The following RUSC2 variants were observed in gnomAD, a reference collection of about 807,000 sequenced individuals.
RUSC2 encodes the protein RUN and SH3 domain containing 2, also known as AP-4 complex accessory subunit RUSC2.
RUSC2 carries 34 observed loss-of-function variants against 122.2 expected under a neutral mutation model. The ratio of observed to expected loss-of-function variants is 0.28; its 90% CI spans 0.21 to 0.37. The LOEUF is 0.37. RUSC2 is among the 10% of genes least tolerant of loss of function. The pLI is 1.00. For synonymous variants in RUSC2, 784 were observed against 790.0 expected (o/e 0.99, Z 0.13); for missense variants, 1,747 against 1,952.4 (o/e 0.89, Z 1.98).
rs1298554558 is a variant in RUSC2, at chr9:35,546,796, G to A, written c.275G>A (p.Arg92Lys). Residue 92 changes from arginine (R) to lysine (K), a missense_variant, in exon 2 of 12, where the codon AGA (arginine) becomes AAA (lysine). Physicochemically the swap from Arg to Lys is conservative, Grantham distance 26. Transcript: ENST00000361226. This position sits in a 1 kb window ranked among gnomAD's most constrained non-coding sequence, Gnocchi z 4.3. Reference sequence around the variant, plus strand: ...ACCAAGAGTAGGAGTCGGGATGGAAGAGGCCCTGGAGCCCCCAAACGACAC... The same window carrying A: ...ACCAAGAGTAGGAGTCGGGATGGAAAAGGCCCTGGAGCCCCCAAACGACAC... ...DSTKSRSRDGRGPGAPKRHNP... is the reference protein window; with the variant it reads ...DSTKSRSRDGKGPGAPKRHNP... 1 of 1,610,742 alleles carries A rather than the reference G, an allele frequency of 6.2e-7. No homozygotes were observed. Among genetic ancestry groups the A allele is most frequent in the Non-Finnish European group, 8.5e-7 (1 of 1,178,448 alleles).
intron 2 of RUSC2, among the ~76,000 whole-genome samples, chr9:35,552,423 G>C (rs952290871): frequency 6.6e-6 from 1 of 152,162 alleles, no homozygotes; most frequent in Non-Finnish European, 1.5e-5. Flanking sequence ...TTGAGATACT[G>C]AGCAGCAGAA....
intron 1 of RUSC2, among the ~76,000 whole-genome samples, chr9:35,495,094 T>TACTATAGTATATATTATACATTATATAC (rs1820667150): frequency 1.4e-5 from 1 of 70,716 alleles, no homozygotes; most frequent in African/African-American, 6.7e-5. Flanking sequence ...ATATTATATA[T>TACTATAGTATATATTATACATTATATAC]ACTATAGTAT....
chr9:35,534,262 T>C (rs1821479486), intron 1 of RUSC2, among the ~76,000 whole-genome samples: 1 of 152,156 alleles, frequency 6.6e-6, no homozygotes. Context: ...TGTGTCTTCT[T>C]TGGGGAAATG....
In RUSC2 at chr9:35,558,160, T is replaced by C. The variant is rs750460046; in HGVS notation, c.3061-37T>C. 1.5e-5 allele frequency: 24 copies of C among 1,605,386 alleles called. No individual in the cohort carries two copies. The highest frequency in any genetic ancestry group is 1.8e-4 in the Middle Eastern group (1 of 5,672). On this transcript the variant is annotated intron_variant, in intron 6 of 11. Coordinates refer to ENST00000361226, the MANE Select transcript of RUSC2 (RefSeq NM_014806.5). The surrounding 1 kb of genome is among the most constrained non-coding windows in gnomAD (Gnocchi z 4.3). The stretch of plus-strand genomic sequence containing the variant: ...GCTACGAGAGGACCACAGTCAGGCC[T>C]GAGGGGGTTTCCTGCACTTCCCTAC...
chr9:35,537,735 G>A (rs1821557637), intron 1 of RUSC2, among the ~76,000 whole-genome samples: 1 of 152,190 alleles, frequency 6.6e-6, no homozygotes, highest in South Asian at 2.1e-4. Context: ...TTCTTTCTAA[G>A]GACCTGAAAT....
rs201007923 is a variant in RUSC2, at chr9:35,492,466, A to AG, written c.-93+2296dup. Among the ~76,000 whole-genome samples the AG allele has an allele frequency of 7.6e-4, 115 of 151,510 alleles. 1 individual carries two copies. The highest frequency in any genetic ancestry group is 7.5e-4 in the Non-Finnish European group (51 of 67,812). On this transcript the variant is annotated intron_variant, in intron 1 of 11. Coordinates refer to ENST00000361226, the MANE Select transcript of RUSC2 (RefSeq NM_014806.5). Reference sequence around the variant, plus strand: ...TGATTGATCAGTGTTGAAGTTACCCAGGAAAAAAAAAAAACACCCATTCAG... The same window carrying AG: ...TGATTGATCAGTGTTGAAGTTACCCAGGGAAAAAAAAAAAACACCCATTCAG...
At chr9:35,514,851 C>A (rs935423980) in intron 1 of RUSC2, among the ~76,000 whole-genome samples, 1 of 152,152 alleles carries the variant, frequency 6.6e-6, no homozygotes, top group African/African-American at 2.4e-5. Context: ...CAGCTACCTT[C>A]CTAGCAGCAG....
chr9:35,529,668 C>G (rs1194865575), intron 1 of RUSC2, among the ~76,000 whole-genome samples: 1 of 150,912 alleles, frequency 6.6e-6, no homozygotes, highest in Non-Finnish European at 1.5e-5. Context: ...AGCCTTTGCT[C>G]CAGGGTCATG....
chr9:35,560,292 G>A lies in RUSC2; in HGVS notation c.3652G>A (p.Gly1218Arg), dbSNP rs375760777. The A allele has an allele frequency of 3.1e-6, 5 of 1,595,534 alleles. No homozygotes were observed. In the African/African-American group the frequency reaches 5.4e-5, roughly 17 times the overall value. Residue 1218 changes from glycine (G) to arginine (R), a missense_variant, in exon 10 of 12, where the codon GGA becomes AGA. Physicochemically the swap from Gly to Arg is moderately radical, Grantham distance 125. Transcript: ENST00000361226. ...LARARGQEGP[G>R]DVDRAAQGER... ...CCGGGCCCGGGGCCAGGAGGGCCCT[G>A]GAGACGTGGACAGGGCAGCCCAAGG...
chr9:35,559,740 A>C (rs1390252368), intron 9 of RUSC2, among the ~76,000 whole-genome samples: 1 of 152,156 alleles, frequency 6.6e-6, no homozygotes, highest in African/African-American at 2.4e-5. Context: ...GTCTCAAAAA[A>C]CAAAACAAAA....
At chr9:35,541,575 T>C (rs1408456997) in intron 1 of RUSC2, among the ~76,000 whole-genome samples, 1 of 151,942 alleles carries the variant, frequency 6.6e-6, no homozygotes, top group African/African-American at 2.4e-5. Context: ...GCCTCCCAAG[T>C]AGCTGGGATT....
At chr9:35,494,901 T>C (rs1257770637) in intron 1 of RUSC2, among the ~76,000 whole-genome samples, 1 of 136,864 alleles carries the variant, frequency 7.3e-6, no homozygotes, top group Non-Finnish European at 1.5e-5. Flanking sequence ...TTGTTTTTTA[T>C]ATATAATATA....
rs968330759 is a variant in RUSC2 at position 35,548,300 on chromosome 9, T to C, written c.1779T>C (p.Cys593=). 7 of 1,613,906 alleles carry C rather than the reference T, an allele frequency of 4.3e-6. No homozygotes were observed. In the African/African-American group the frequency reaches 9.3e-5, roughly 22 times the overall value. Residue 593 remains cysteine (C), a synonymous_variant, in exon 2 of 12, where the codon TGT becomes TGC. Transcript: ENST00000361226. The surrounding 1 kb of genome is among the most constrained non-coding windows in gnomAD (Gnocchi z 4.5). ...CCCCACTGGATGAGGGCACTTGCTG[T>C]AGCCATAGCCTGCCACCCATGCCTT... ...RGAPLDEGTC[C]SHSLPPMPLG... is the part of the protein sequence containing the mutation.
chr9:35,557,790 T>G lies in RUSC2; in HGVS notation c.2984-124T>G. ...GGCCTGAATGTTTTGATAAGACCCA[T>G]GTGCAGATGTGGAGACGGAGTAAGT... On this transcript the variant is annotated intron_variant, in intron 5 of 11. Coordinates refer to ENST00000361226, the MANE Select transcript of RUSC2 (RefSeq NM_014806.5). The surrounding 1 kb of genome is among the most constrained non-coding windows in gnomAD (Gnocchi z 4.6). 1.3e-6 allele frequency: 1 copy of G among 770,002 alleles called. No homozygotes were observed. The highest frequency in any genetic ancestry group is 2.3e-6 in the Non-Finnish European group (1 of 428,366). 47.7% of individuals were successfully genotyped at this position (770,002 alleles called of 1,614,324 possible).
chr9:35,533,256 A>AG (rs1821457924), intron 1 of RUSC2, among the ~76,000 whole-genome samples: 1 of 141,458 alleles, frequency 7.1e-6, no homozygotes, highest in South Asian at 2.3e-4. Flanking sequence ...CAAAAAAAAA[A>AG]AAAAGAAGAA....
intron 1 of RUSC2, among the ~76,000 whole-genome samples, chr9:35,494,397 G>T (rs190006459): frequency 2.0e-5 from 3 of 152,288 alleles, no homozygotes; most frequent in African/African-American, 7.2e-5. Flanking sequence ...CGGGGAGGCT[G>T]AGGTTGCAGT....
At chr9:35,532,122 G>T (rs905999876) in intron 1 of RUSC2, among the ~76,000 whole-genome samples, 1 of 152,188 alleles carries the variant, frequency 6.6e-6, no homozygotes. Context: ...GAGTCCAGAT[G>T]ACTCTTATTT....
At chr9:35,517,739 G>A (rs1821137004) in intron 1 of RUSC2, among the ~76,000 whole-genome samples, 1 of 152,176 alleles carries the variant, frequency 6.6e-6, no homozygotes, top group Admixed American at 6.5e-5. Context: ...TCCTAATGTG[G>A]CCACTGTGAC....
At position 35,547,310 on chromosome 9, in the gene RUSC2, C is replaced by G. The variant is rs901080551; in HGVS notation, c.789C>G (p.Asp263Glu). 5 of 1,614,082 alleles carry G rather than the reference C, an allele frequency of 3.1e-6. No homozygotes were observed. In the African/African-American group the frequency reaches 6.7e-5, roughly 22 times the overall value. The change falls in exon 2 of 12, where the codon GAC (aspartate) becomes GAG (glutamate). Residue 263 changes from aspartate (D) to glutamate (E), a missense_variant. Transcript: ENST00000361226. The surrounding 1 kb of genome is among the most constrained non-coding windows in gnomAD (Gnocchi z 4.6). ...SSTSSQSEAADQSMGYVSDSS... is the reference protein window; with the variant it reads ...SSTSSQSEAAEQSMGYVSDSS... ...CATCCAGTCAGTCCGAGGCAGCTGA[C>G]CAGTCCATGGGCTATGTGAGCGACT... is the stretch of plus-strand genomic sequence containing the variant.
Sources: gnomAD v4.1 joint callset for allele counts (sites outside exome capture counted in the v4.1 genomes callset) on GRCh38, gnomAD v4.1.1 for gene constraint, Gnocchi (gnomAD v3.1) non-coding constraint, MANE v1.5 for transcripts, NCBI Gene and HGNC (gene_info 2026-07-23, HGNC 2026-07-21) for gene names.